The following SERGEF variants were observed in gnomAD, a reference collection of about 807,000 sequenced individuals.
The protein encoded by SERGEF is secretion-regulating guanine nucleotide exchange factor.
A neutral mutation model predicts 50.0 loss-of-function variants in SERGEF; 51 were observed. That is an observed-to-expected ratio of 1.02 (90% CI 0.81 to 1.29). The LOEUF is 1.29. SERGEF is among the 50% of genes most tolerant of loss of function. The pLI, the probability that SERGEF is intolerant of heterozygous loss-of-function variation, is 0.00. For missense variants in SERGEF, 521 were observed against 557.0 expected (o/e 0.94, Z 0.65); for synonymous variants, 205 against 212.4 (o/e 0.97, Z 0.30).
At chr11:17,809,090 T>A (rs2237952) in intron 10 of SERGEF, among the ~76,000 whole-genome samples, 1 of 151,990 alleles carries the variant, frequency 6.6e-6, no homozygotes, top group Non-Finnish European at 1.5e-5. Context: ...TCATGGCACC[T>A]GCTAGCAAGG....
rs376259439 is a variant in SERGEF, at chr11:17,978,907, G to A, written c.844+9690C>T. 5.9e-5 allele frequency among the ~76,000 whole-genome samples: 9 copies of A among 152,282 alleles called. No individual in the cohort carries two copies. In the East Asian group the frequency reaches 1.2e-3, roughly 20 times the overall value. On this transcript the variant is annotated intron_variant, in intron 8 of 10. Coordinates refer to ENST00000265965, the MANE Select transcript of SERGEF (RefSeq NM_012139.4). Reference sequence around the variant, plus strand: ...GGCCCTGCAGGCCCAGCCCCTTGTCGAATACACCCACTTCAGAGGGTGACT... The same window carrying A: ...GGCCCTGCAGGCCCAGCCCCTTGTCAAATACACCCACTTCAGAGGGTGACT...
chr11:17,881,329 GT>G (rs771145545), intron 9 of SERGEF, among the ~76,000 whole-genome samples: 15 of 152,232 alleles, frequency 9.9e-5, no homozygotes, highest in Non-Finnish European at 2.1e-4. Flanking sequence ...ACAAATGTCA[GT>G]ATCAGACAGC....
intron 10 of SERGEF, among the ~76,000 whole-genome samples, chr11:17,859,280 G>T (rs530140403): frequency 6.6e-6 from 1 of 152,008 alleles, no homozygotes; most frequent in East Asian, 1.9e-4. Context: ...AACAAGAACA[G>T]AAAACTATTT....
chr11:17,922,713 C>T (rs1298451925), intron 9 of SERGEF, among the ~76,000 whole-genome samples: 1 of 152,184 alleles, frequency 6.6e-6, no homozygotes, highest in African/African-American at 2.4e-5. Flanking sequence ...CTTTTGTGTC[C>T]TCACTGTATG....
At chr11:17,927,035 G>A (rs1255051853) in intron 9 of SERGEF, among the ~76,000 whole-genome samples, 1 of 152,096 alleles carries the variant, frequency 6.6e-6, no homozygotes, top group Non-Finnish European at 1.5e-5. Flanking sequence ...CCCCTGACAG[G>A]GTCTCTGGGT....
intron 9 of SERGEF, among the ~76,000 whole-genome samples, chr11:17,938,627 C>T (rs1852500279): frequency 6.6e-6 from 1 of 152,128 alleles, no homozygotes; most frequent in Non-Finnish European, 1.5e-5. Flanking sequence ...CTGCAGGACA[C>T]TTTAGTTATT....
intron 9 of SERGEF, among the ~76,000 whole-genome samples, chr11:17,955,612 C>T (rs1319710329): frequency 6.6e-6 from 1 of 152,194 alleles, no homozygotes; most frequent in African/African-American, 2.4e-5. Flanking sequence ...CAAAGCTGAA[C>T]TGCAAGTTCT....
intron 10 of SERGEF, among the ~76,000 whole-genome samples, chr11:17,790,337 A>ATTT (rs35722641): frequency 6.9e-6 from 1 of 144,406 alleles, no homozygotes. Flanking sequence ...TCATTCACAT[A>ATTT]TTTTTTTTTT....
chr11:17,975,190 T>C (rs1853343810), intron 8 of SERGEF, among the ~76,000 whole-genome samples: 1 of 152,240 alleles, frequency 6.6e-6, no homozygotes, highest in African/African-American at 2.4e-5. Flanking sequence ...CAAGGCTAAG[T>C]ACCCAAGTAG....
At chr11:17,911,189 C>G (rs1851945042) in intron 9 of SERGEF, among the ~76,000 whole-genome samples, 1 of 151,708 alleles carries the variant, frequency 6.6e-6, no homozygotes, top group African/African-American at 2.4e-5. Context: ...TGGTAAATTA[C>G]TGTTATAACC....
At chr11:17,918,778 G>T (rs1204446329) in intron 9 of SERGEF, 2 of 435,298 alleles carry the variant, frequency 4.6e-6, no homozygotes, top group African/African-American at 4.1e-5. Flanking sequence ...TCTAAAGCTA[G>T]TCTGGAAAAA....
chr11:17,870,478 AG>A (rs933768343), intron 10 of SERGEF, among the ~76,000 whole-genome samples: 2 of 152,216 alleles, frequency 1.3e-5, no homozygotes, highest in African/African-American at 4.8e-5. Context: ...GTAGCTAGAA[AG>A]GGCAAGAAAA....
chr11:18,003,520 G>C (rs1288641870), intron 4 of SERGEF, among the ~76,000 whole-genome samples: 2 of 152,186 alleles, frequency 1.3e-5, no homozygotes, highest in Non-Finnish European at 2.9e-5. Context: ...TACAAAATCA[G>C]TATAAAATAC....
chr11:17,836,442 C>T (rs146479225), intron 10 of SERGEF, among the ~76,000 whole-genome samples: 1 of 152,306 alleles, frequency 6.6e-6, no homozygotes, highest in African/African-American at 2.4e-5. Context: ...CATCCAGACT[C>T]AGTAGAAAAT....
intron 10 of SERGEF, among the ~76,000 whole-genome samples, chr11:17,874,518 G>A (rs1191288975): frequency 1.3e-5 from 2 of 152,192 alleles, no homozygotes; most frequent in African/African-American, 4.8e-5. Flanking sequence ...AACTTAATTG[G>A]AAAACTAAGG....
chr11:17,987,908 G>C (rs1393398412), intron 8 of SERGEF, among the ~76,000 whole-genome samples: 1 of 152,184 alleles, frequency 6.6e-6, no homozygotes, highest in Non-Finnish European at 1.5e-5. Flanking sequence ...ATTGGCTGGG[G>C]AACTCTGTGA....
At chr11:17,932,240 C>T (rs960290934) in intron 9 of SERGEF, among the ~76,000 whole-genome samples, 18 of 152,204 alleles carry the variant, frequency 1.2e-4, no homozygotes, top group Non-Finnish European at 1.9e-4. Context: ...AAAACCTCTG[C>T]GGCCTAAGGC....
intron 10 of SERGEF, among the ~76,000 whole-genome samples, chr11:17,839,510 T>C (rs772363573): frequency 2.0e-5 from 3 of 152,070 alleles, no homozygotes; most frequent in Admixed American, 6.6e-5. Context: ...CTGAGTTCTT[T>C]GGGGAAACTT....
chr11:17,920,341 A>G (rs957154283), intron 9 of SERGEF, among the ~76,000 whole-genome samples: 1 of 152,098 alleles, frequency 6.6e-6, no homozygotes, highest in Non-Finnish European at 1.5e-5. Context: ...TTTTGATTAT[A>G]TTTATTATCT....
Sources: gnomAD v4.1 joint callset for allele counts (sites outside exome capture counted in the v4.1 genomes callset) on GRCh38, gnomAD v4.1.1 for gene constraint, MANE v1.5 for transcripts, NCBI Gene and HGNC (gene_info 2026-07-23, HGNC 2026-07-21) for gene names.